Variants in FHL5 observed in about 807,000 individuals in gnomAD.
FHL5 encodes the protein four and a half LIM domains 5.
In FHL5, 33 loss-of-function variants were observed where a neutral mutation model predicts 32.0. The observed-to-expected ratio is 1.03, with a 90% CI of 0.78 to 1.38. FHL5 has a LOEUF of 1.38. Ranked by LOEUF, FHL5 falls within the 40% of genes most tolerant of loss-of-function variation. The probability of loss-of-function intolerance (pLI) is 0.00; values close to 1 mark genes in which losing one functional copy is unlikely to be tolerated. For missense variants in FHL5, 336 were observed against 343.9 expected (o/e 0.98, Z 0.18); for synonymous variants, 114 against 113.6 (o/e 1.00, Z -0.02).
intron 1 of FHL5, among the ~76,000 whole-genome samples, chr6:96,587,010 G>A (rs925937496): frequency 4.6e-5 from 7 of 152,168 alleles, no homozygotes; most frequent in Admixed American, 2.0e-4. Context: ...TCCAAGAGAC[G>A]GAAGTGGTCC....
chr6:96,607,819 TAA>T (rs1204699307), intron 4 of FHL5, among the ~76,000 whole-genome samples: 3 of 134,636 alleles, frequency 2.2e-5, no homozygotes. Context: ...CCTGTCTGTA[TAA>T]AAAAAAAAAA....
intron 1 of FHL5, among the ~76,000 whole-genome samples, chr6:96,576,923 A>T (rs1770596049): frequency 6.6e-6 from 1 of 152,196 alleles, no homozygotes; most frequent in African/African-American, 2.4e-5. Context: ...GGGAATGGTA[A>T]CAGATTTTCC....
intron 1 of FHL5, among the ~76,000 whole-genome samples, chr6:96,569,317 T>A (rs1770426197): frequency 6.6e-6 from 1 of 152,152 alleles, no homozygotes; most frequent in South Asian, 2.1e-4. Flanking sequence ...ATATGATTTC[T>A]ATTAAATTTG....
intron 4 of FHL5, among the ~76,000 whole-genome samples, chr6:96,607,152 T>C (rs910881495): frequency 2.6e-5 from 4 of 152,198 alleles, no homozygotes; most frequent in Non-Finnish European, 4.4e-5. Flanking sequence ...ATGAAGCCTG[T>C]CTGCATTCCA....
At chr6:96,593,698 T>C (rs1770968971) in intron 1 of FHL5, among the ~76,000 whole-genome samples, 1 of 152,104 alleles carries the variant, frequency 6.6e-6, no homozygotes, top group South Asian at 2.1e-4. Flanking sequence ...TCTCAGACTA[T>C]TCATTTTATC....
intron 1 of FHL5, among the ~76,000 whole-genome samples, chr6:96,565,114 T>G (rs1422524204): frequency 6.6e-6 from 1 of 152,148 alleles, no homozygotes; most frequent in Non-Finnish European, 1.5e-5. Flanking sequence ...ATCAGCTTAT[T>G]GATGACATAC....
At chr6:96,602,422 G>GTTTTTTT (rs1562062430) in intron 1 of FHL5, among the ~76,000 whole-genome samples, 2 of 26,584 alleles carry the variant, frequency 7.5e-5, no homozygotes, top group Non-Finnish European at 8.2e-5. Context: ...TATATGCGTT[G>GTTTTTTT]TTTCTTTTTT....
At chr6:96,576,212 C>T (rs895345061) in intron 1 of FHL5, among the ~76,000 whole-genome samples, 1 of 152,200 alleles carries the variant, frequency 6.6e-6, no homozygotes, top group Non-Finnish European at 1.5e-5. Context: ...CTGTGCATAC[C>T]TTCACACTTT....
intron 1 of FHL5, among the ~76,000 whole-genome samples, chr6:96,594,599 C>T (rs777308705): frequency 1.3e-5 from 2 of 151,896 alleles, no homozygotes; most frequent in Non-Finnish European, 2.9e-5. Flanking sequence ...CAGATGTTGA[C>T]AGTTACTTTT....
At chr6:96,602,810 C>A (rs934004195) in intron 1 of FHL5, among the ~76,000 whole-genome samples, 1 of 152,020 alleles carries the variant, frequency 6.6e-6, no homozygotes. Flanking sequence ...CTGAAGGAAC[C>A]CATTGTTGTT....
At chr6:96,583,018 A>G (rs1408768256) in intron 1 of FHL5, among the ~76,000 whole-genome samples, 1 of 152,172 alleles carries the variant, frequency 6.6e-6, no homozygotes, top group African/African-American at 2.4e-5. Flanking sequence ...TTTCAGAGGT[A>G]AAGAAAGGGC....
At position 96,603,667 on chromosome 6, in the gene FHL5, G is replaced by A; in HGVS notation, c.54G>A (p.Lys18=). 6.2e-7 allele frequency: 1 copy of A among 1,613,020 alleles called. No individual in the cohort carries two copies. The highest frequency in any genetic ancestry group is 2.2e-5 in the East Asian group (1 of 44,794). The change falls in exon 2 of 6, where the codon AAG becomes AAA. Residue 18 remains lysine (K), a synonymous_variant. Coordinates refer to ENST00000450218, the MANE Select transcript of FHL5 (RefSeq NM_001322466.2). ...ACTGCACAGCATCACTTCTTGGGAA[G>A]AAATATGTACTAAAGGATGACAGTC... ...CQYCTASLLG[K]KYVLKDDSPY...
intron 1 of FHL5, among the ~76,000 whole-genome samples, chr6:96,566,916 A>G (rs1232059693): frequency 1.3e-5 from 2 of 151,986 alleles, no homozygotes; most frequent in African/African-American, 2.4e-5. Context: ...GTTTGCAAAT[A>G]CTTTCTCCTG....
chr6:96,577,143 A>G (rs1032786683), intron 1 of FHL5, among the ~76,000 whole-genome samples: 2 of 152,212 alleles, frequency 1.3e-5, no homozygotes, highest in Non-Finnish European at 2.9e-5. Context: ...CTGGCTTTAA[A>G]TATCAAATGG....
intron 1 of FHL5, among the ~76,000 whole-genome samples, chr6:96,566,820 C>A (rs1250276363): frequency 6.6e-6 from 1 of 151,622 alleles, no homozygotes. Context: ...GTCTATTCAG[C>A]TTATTTGTCT....
intron 1 of FHL5, among the ~76,000 whole-genome samples, chr6:96,601,456 A>G: frequency 6.6e-6 from 1 of 152,250 alleles, no homozygotes; most frequent in Non-Finnish European, 1.5e-5. Context: ...TCTTATATTT[A>G]GACTTCTGAT....
intron 1 of FHL5, among the ~76,000 whole-genome samples, chr6:96,576,758 G>A (rs996002042): frequency 3.3e-5 from 5 of 152,168 alleles, no homozygotes; most frequent in African/African-American, 1.2e-4. Context: ...TAGGTGCCAC[G>A]GACACAACCC....
intron 1 of FHL5, among the ~76,000 whole-genome samples, chr6:96,587,530 C>A (rs955393290): frequency 2.6e-5 from 4 of 152,018 alleles, no homozygotes; most frequent in Non-Finnish European, 5.9e-5. Flanking sequence ...TAATTTTTAT[C>A]TCTTAATTCC....
intron 1 of FHL5, among the ~76,000 whole-genome samples, chr6:96,578,676 T>G (rs1423828819): frequency 6.6e-6 from 1 of 152,016 alleles, no homozygotes; most frequent in East Asian, 1.9e-4. Context: ...ACCCCATCTC[T>G]ACAAAAAATA....
Sources: gnomAD v4.1 joint callset for allele counts (sites outside exome capture counted in the v4.1 genomes callset) on GRCh38, gnomAD v4.1.1 for gene constraint, MANE v1.5 for transcripts, NCBI Gene and HGNC (gene_info 2026-07-23, HGNC 2026-07-21) for gene names.